EHBP1: variants seen among roughly 807,000 people sequenced by gnomAD.
EHBP1 encodes the protein EH domain-binding protein 1.
EHBP1 carries 55 observed loss-of-function variants against 144.0 expected under a neutral mutation model. The observed-to-expected ratio is 0.38, with a 90% CI of 0.31 to 0.48. The LOEUF (loss-of-function observed/expected upper bound fraction) is 0.48. Ranked by LOEUF, EHBP1 falls within the 20% of genes least tolerant of loss-of-function variation. The pLI is 0.98. For synonymous variants in EHBP1, 469 were observed against 472.7 expected (o/e 0.99, Z 0.10); for missense variants, 1,200 against 1,364.2 (o/e 0.88, Z 1.90).
chr2:62,975,873 G>A (rs1401549667), intron 14 of EHBP1, among the ~76,000 whole-genome samples: 2 of 144,056 alleles, frequency 1.4e-5, no homozygotes, highest in Non-Finnish European at 3.0e-5. Context: ...CAGCCTGGAT[G>A]GGTTTACTGT....
chr2:62,770,995 G>C (rs1327492730), intron 4 of EHBP1, among the ~76,000 whole-genome samples: 1 of 152,126 alleles, frequency 6.6e-6, no homozygotes, highest in East Asian at 1.9e-4. Flanking sequence ...AGACACTGCG[G>C]CCTATGGGAA....
chr2:62,805,468 CTTT>C (rs199557281), intron 5 of EHBP1, among the ~76,000 whole-genome samples: 6 of 123,780 alleles, frequency 4.8e-5, no homozygotes, highest in Non-Finnish European at 6.9e-5. Context: ...TTTGTATTTT[CTTT>C]TTTTTTTTTT....
chr2:62,996,915 T>G lies in EHBP1; in HGVS notation c.3103+149T>G. On this transcript the variant is annotated intron_variant, in intron 19 of 22. Transcript: ENST00000431489. ...AGGCTGCGATTTGCAGCCACCTCTC[T>G]GGGCCCTGGTGATAAGAGTGCCTTC... The G allele has an allele frequency of 2.6e-6, 3 of 1,138,530 alleles. 1 individual carries two copies. In the South Asian group the frequency reaches 4.5e-5, roughly 17 times the overall value. The allele number at this position is 1,138,530 out of a possible 1,614,324, so 70.5% of individuals were successfully genotyped here.
chr2:62,865,847 A>G (rs995770591), intron 9 of EHBP1, among the ~76,000 whole-genome samples: 1 of 152,168 alleles, frequency 6.6e-6, no homozygotes, highest in Non-Finnish European at 1.5e-5. Flanking sequence ...AATTAAGGAG[A>G]TAGAGTTTGG....
At position 62,721,185 on chromosome 2, in the gene EHBP1, G is replaced by C. The variant is rs183561859; in HGVS notation, c.104+13890G>C. On this transcript the variant is annotated intron_variant, in intron 2 of 22. Transcript: ENST00000431489. The stretch of plus-strand genomic sequence containing the variant: ...TGTTTTTCATGACCTTGTTAGGTTT[G>C]CCAAGTGCTGGTTAGGTTATTTTGT... 3.4e-4 allele frequency among the ~76,000 whole-genome samples: 52 copies of C among 152,150 alleles called. 1 individual carries two copies. Among genetic ancestry groups the C allele is most frequent in the African/African-American group, 1.2e-3 (48 of 41,536 alleles).
intron 7 of EHBP1, among the ~76,000 whole-genome samples, chr2:62,843,772 AATGCATT>A (rs991470524): frequency 1.3e-5 from 2 of 152,172 alleles, no homozygotes; most frequent in Non-Finnish European, 2.9e-5. Flanking sequence ...ATTGAAATTT[AATGCATT>A]AATGTTAAAA....
chr2:62,883,835 A>G (rs2051684169), intron 10 of EHBP1, among the ~76,000 whole-genome samples: 2 of 152,076 alleles, frequency 1.3e-5, no homozygotes, highest in Non-Finnish European at 1.5e-5. Flanking sequence ...GCTGCGCATC[A>G]TGGCTCACGC....
chr2:62,881,380 C>A (rs563147176), intron 10 of EHBP1, among the ~76,000 whole-genome samples: 63 of 127,514 alleles, frequency 4.9e-4, no homozygotes, highest in African/African-American at 1.7e-3. Flanking sequence ...CACACATGTA[C>A]GTCCTGAACC....
At chr2:62,829,883 T>G (rs917149336) in intron 6 of EHBP1, among the ~76,000 whole-genome samples, 4 of 150,406 alleles carry the variant, frequency 2.7e-5, no homozygotes, top group Non-Finnish European at 5.9e-5. Flanking sequence ...AGTTTTACAC[T>G]GCTGGTGAGA....
chr2:62,713,399 G>A (rs1259599576), intron 2 of EHBP1, among the ~76,000 whole-genome samples: 1 of 151,850 alleles, frequency 6.6e-6, no homozygotes, highest in African/African-American at 2.4e-5. Flanking sequence ...GTACCACCAT[G>A]TCTGGCTAGT....
chr2:63,030,563 C>A (rs1413340825), intron 19 of EHBP1, among the ~76,000 whole-genome samples: 1 of 151,998 alleles, frequency 6.6e-6, no homozygotes, highest in Non-Finnish European at 1.5e-5. Context: ...TCTCGGCCCA[C>A]TGCAAGCTCC....
chr2:62,953,354 A>T (rs2153104922), intron 13 of EHBP1, among the ~76,000 whole-genome samples: 1 of 151,906 alleles, frequency 6.6e-6, no homozygotes. Flanking sequence ...CTAACGTATG[A>T]TGCATCTATA....
Position 63,045,289 on chromosome 2 carries a change from T to G in EHBP1, c.3392+109T>G, listed in dbSNP as rs919919711. The G allele has an allele frequency of 7.4e-6, 10 of 1,358,412 alleles. No individual in the cohort carries two copies. The highest frequency in any genetic ancestry group is 1.0e-5 in the Non-Finnish European group (10 of 971,272). The allele number at this position is 1,358,412 out of a possible 1,614,324, so 84.1% of individuals were successfully genotyped here. ...CGGGAGGGCCGGGGCAGCCTCCCAC[T>G]GGCCTGGTGCTCCCCATTCCCGCTG... is the stretch of plus-strand genomic sequence containing the variant. On this transcript the variant is annotated intron_variant, in intron 22 of 22. Coordinates refer to ENST00000431489, the MANE Select transcript of EHBP1 (RefSeq NM_001142616.3). The surrounding 1 kb of genome is among the most constrained non-coding windows in gnomAD (Gnocchi z 5.7).
At position 62,851,284 on chromosome 2, in the gene EHBP1, C is replaced by A. The variant is rs1343976337; in HGVS notation, c.635-7885C>A. Among the ~76,000 whole-genome samples, 3 of 152,282 alleles carry A rather than the reference C, an allele frequency of 2.0e-5. No individual in the cohort carries two copies. The East Asian group carries it at 5.8e-4, about 29-fold the overall frequency. On this transcript the variant is annotated intron_variant, in intron 7 of 22. Coordinates refer to ENST00000431489, the MANE Select transcript of EHBP1 (RefSeq NM_001142616.3). ...AACAACCTTCATGATAGGACAGCTG[C>A]CAGCCCCATCTAATTCCATTTCCTA...
chr2:62,852,311 A>G (rs1194411388), intron 7 of EHBP1, among the ~76,000 whole-genome samples: 1 of 152,146 alleles, frequency 6.6e-6, no homozygotes, highest in African/African-American at 2.4e-5. Flanking sequence ...ACTAAGATAC[A>G]TGATAAAATG....
rs200265269 is a variant in EHBP1 at position 62,955,603 on chromosome 2, G to A, written c.2403G>A (p.Ala801=). 1.9e-4 allele frequency: 302 copies of A among 1,612,446 alleles called. 2 individuals are homozygous for A. The Middle Eastern group carries it at 6.6e-3, about 35-fold the overall frequency. Residue 801 remains alanine, a synonymous_variant, in exon 14 of 23, where the codon GCG becomes GCA. Transcript: ENST00000431489. ...CAAGAAGAGATGCAGCCTTAAAGGC[G>A]GGGAATAAGCACAATACCAACACAG... ...EQARRDAALK[A]GNKHNTNTAT... is the part of the protein sequence containing the mutation.
intron 19 of EHBP1, among the ~76,000 whole-genome samples, chr2:62,998,179 C>T (rs778611172): frequency 3.9e-5 from 6 of 152,092 alleles, no homozygotes; most frequent in Non-Finnish European, 8.8e-5. Flanking sequence ...CCCTATCATA[C>T]GGGACCCTTC....
Position 62,747,429 on chromosome 2 carries a change from A to C in EHBP1, c.139A>C (p.Arg47=), listed in dbSNP as rs565307490. The change falls in exon 3 of 23, where the codon AGA becomes CGA. Residue 47 remains arginine (R), a synonymous_variant. Coordinates refer to ENST00000431489, the MANE Select transcript of EHBP1 (RefSeq NM_001142616.3). The part of the protein sequence containing the change: ...PDKLVVVWTR[R]SRRKSSKAHS... ...TAAACTGGTGGTAGTTTGGACCAGA[A>C]GAAGCCGAAGGAAGTCTTCTAAGGT... 9 of 1,610,102 alleles carry C rather than the reference A, an allele frequency of 5.6e-6. No homozygotes were observed. Among genetic ancestry groups the C allele is most frequent in the Admixed American group, 3.3e-5 (2 of 59,860 alleles).
At chr2:62,880,979 A>G (rs2051356973) in intron 10 of EHBP1, among the ~76,000 whole-genome samples, 1 of 152,138 alleles carries the variant, frequency 6.6e-6, no homozygotes, top group African/African-American at 2.4e-5. Context: ...AACACACTTG[A>G]TCAACCTACA....
Sources: allele counts gnomAD v4.1 joint callset (sites outside exome capture counted in the v4.1 genomes callset), GRCh38; gene constraint gnomAD v4.1.1; non-coding constraint Gnocchi (gnomAD v3.1); transcripts MANE v1.5; gene names NCBI Gene and HGNC (gene_info 2026-07-23, HGNC 2026-07-21).